Variants in RANBP2 observed in about 807,000 individuals in gnomAD.
RANBP2 encodes RAN binding protein 2.
In RANBP2, 57 loss-of-function variants were observed where a neutral mutation model predicts 303.6. The observed-to-expected ratio is 0.19, with a 90% CI of 0.15 to 0.23. The LOEUF is 0.23. Among genes scored for constraint, RANBP2 ranks in the 10% least tolerant of loss-of-function variants. The probability of loss-of-function intolerance (pLI) is 1.00; values close to 1 mark genes in which losing one functional copy is unlikely to be tolerated. For missense variants in RANBP2, 3,138 were observed against 3,780.8 expected, an observed-to-expected ratio of 0.83 and a Z score of 4.46; for synonymous variants, 1,167 against 1,301.5, an observed-to-expected ratio of 0.90 and a Z score of 2.23.
chr2:108,817,299 CTT>C, the RANBP2 span, among the ~76,000 whole-genome samples: 4 of 144,152 alleles, frequency 2.8e-5, no homozygotes, highest in Non-Finnish European at 3.1e-5. Context: ...AATCTTTTTT[CTT>C]TTTTTTTTTT....
At chr2:109,106,836 C>T in the RANBP2 span, among the ~76,000 whole-genome samples, 2 of 151,256 alleles carry the variant, frequency 1.3e-5, no homozygotes, top group Non-Finnish European at 2.9e-5. Context: ...GACTCCGCCT[C>T]AGAAGAAAAA....
Position 108,777,222 on chromosome 2 carries a change from G to A in RANBP2, c.8590G>A (p.Gly2864Ser). 1 of 1,613,058 alleles carries A rather than the reference G, an allele frequency of 6.2e-7. No individual in the cohort carries two copies. Among genetic ancestry groups the A allele is most frequent in the Non-Finnish European group, 8.5e-7 (1 of 1,179,264 alleles). Residue 2864 changes from glycine to serine, a missense_variant, in exon 25 of 29, where the codon GGT becomes AGT. By Grantham distance (56) the Gly-to-Ser change is moderately conservative. Coordinates refer to ENST00000283195, the MANE Select transcript of RANBP2 (RefSeq NM_006267.5). ...CAGTAATTCTGGAGATTTTGCTTTT[G>A]GTTCTAAAGGTAAGATCAAGAGGAG... The part of the protein sequence containing the change: ...ASSNSGDFAF[G>S]SKDKNFQWAN...
At chr2:109,359,570 T>C in the RANBP2 span, among the ~76,000 whole-genome samples, 2 of 152,224 alleles carry the variant, frequency 1.3e-5, no homozygotes, top group Non-Finnish European at 2.9e-5. Flanking sequence ...GTAAATTGTA[T>C]CATGTTTTAA....
the RANBP2 span, among the ~76,000 whole-genome samples, chr2:109,418,270 C>T: frequency 6.6e-6 from 1 of 152,180 alleles, no homozygotes; most frequent in African/African-American, 2.4e-5. Flanking sequence ...TGGACCCCTT[C>T]CTCCTCCAGG....
At chr2:108,919,049 C>T in the RANBP2 span, among the ~76,000 whole-genome samples, 86 of 152,238 alleles carry the variant, frequency 5.6e-4, no homozygotes, top group African/African-American at 2.0e-3. Flanking sequence ...GTGTCAGAAT[C>T]CATTGCTCAG....
chr2:108,828,408 T>C, the RANBP2 span, among the ~76,000 whole-genome samples: 1,266 of 152,216 alleles, frequency 8.3e-3, 14 homozygotes, highest in African/African-American at 0.029. Flanking sequence ...AAAACAACCA[T>C]AAAAAGAACA....
the RANBP2 span, chr2:108,812,714 T>C: frequency 6.2e-7 from 1 of 1,606,400 alleles, no homozygotes; most frequent in African/African-American, 1.3e-5. Context: ...TACAGGTAAG[T>C]TGCCTGTTCT....
At chr2:109,479,618 A>G in the RANBP2 span, among the ~76,000 whole-genome samples, 1 of 152,178 alleles carries the variant, frequency 6.6e-6, no homozygotes, top group Non-Finnish European at 1.5e-5. Context: ...CTGGCAGCCC[A>G]AGGCAAGGGG....
the RANBP2 span, among the ~76,000 whole-genome samples, chr2:108,851,795 A>G: frequency 6.6e-6 from 1 of 152,192 alleles, no homozygotes; most frequent in Non-Finnish European, 1.5e-5. Context: ...TAACACACCC[A>G]ACATCATAAC....
chr2:109,322,969 CAA>C, the RANBP2 span, among the ~76,000 whole-genome samples: 626 of 152,260 alleles, frequency 4.1e-3, 3 homozygotes, highest in African/African-American at 0.014. Flanking sequence ...ATAAAGAGGC[CAA>C]ATCTGACTGT....
the RANBP2 span, among the ~76,000 whole-genome samples, chr2:109,633,739 G>C: frequency 5.3e-5 from 8 of 152,184 alleles, no homozygotes; most frequent in Admixed American, 4.6e-4. Flanking sequence ...AGAGGATGAA[G>C]CTGGGGGAAA....
the RANBP2 span, among the ~76,000 whole-genome samples, chr2:109,627,834 G>A: frequency 1.3e-5 from 2 of 152,154 alleles, no homozygotes; most frequent in Non-Finnish European, 2.9e-5. Flanking sequence ...GTAAATAGAC[G>A]GTCTATTCTC....
chr2:109,705,721 A>G, the RANBP2 span, among the ~76,000 whole-genome samples: 5 of 152,214 alleles, frequency 3.3e-5, no homozygotes, highest in Non-Finnish European at 7.3e-5. Context: ...GGTTCAGTGC[A>G]GTGAACTCCA....
chr2:109,632,540 G>A, the RANBP2 span, among the ~76,000 whole-genome samples: 3 of 152,216 alleles, frequency 2.0e-5, no homozygotes, highest in Non-Finnish European at 2.9e-5. Flanking sequence ...CCAGCCGGGC[G>A]CAGTGGCTCA....
chr2:109,069,362 A>C, the RANBP2 span, among the ~76,000 whole-genome samples: 1 of 152,240 alleles, frequency 6.6e-6, no homozygotes, highest in African/African-American at 2.4e-5. Flanking sequence ...AAACATCAAA[A>C]GGCATATGGT....
chr2:109,630,466 A>G, the RANBP2 span, among the ~76,000 whole-genome samples: 2 of 152,084 alleles, frequency 1.3e-5, no homozygotes, highest in East Asian at 1.9e-4. Flanking sequence ...CCAATCCTAT[A>G]CTGTCCATTC....
the RANBP2 span, among the ~76,000 whole-genome samples, chr2:109,118,577 GT>G: frequency 6.6e-6 from 1 of 151,110 alleles, no homozygotes; most frequent in Non-Finnish European, 1.5e-5. Flanking sequence ...GAATATCTGC[GT>G]GTCAGTGTAC....
At chr2:109,116,135 C>G in the RANBP2 span, among the ~76,000 whole-genome samples, 1 of 152,140 alleles carries the variant, frequency 6.6e-6, no homozygotes, top group Non-Finnish European at 1.5e-5. Flanking sequence ...CGAGGAGTAT[C>G]TTTGTGGCGT....
chr2:109,033,910 T>A, the RANBP2 span, among the ~76,000 whole-genome samples: 1 of 144,434 alleles, frequency 6.9e-6, no homozygotes, highest in African/African-American at 2.6e-5. Flanking sequence ...GAGCCGAGAT[T>A]GCACCACTGC....
Sources: gnomAD v4.1 joint callset for allele counts (sites outside exome capture counted in the v4.1 genomes callset) on GRCh38, gnomAD v4.1.1 for gene constraint, MANE v1.5 for transcripts, NCBI Gene and HGNC (gene_info 2026-07-23, HGNC 2026-07-21) for gene names.